The following BTN3A2 variants were observed in gnomAD, a reference collection of about 807,000 sequenced individuals.
BTN3A2 encodes butyrophilin protein.
BTN3A2 carries 25 observed loss-of-function variants against 37.6 expected under a neutral mutation model. The ratio of observed to expected loss-of-function variants is 0.66; its 90% CI spans 0.48 to 0.93. The LOEUF is 0.93. Ranked by LOEUF, BTN3A2 falls within the 40% of genes least tolerant of loss-of-function variation. BTN3A2 has a pLI of 0.00. For missense variants in BTN3A2, 266 were observed against 410.9 expected (o/e 0.65, Z 3.05); for synonymous variants, 122 against 159.4 (o/e 0.77, Z 1.77).
chr6:26,375,533 C>T, intron 10 of BTN3A2: 1 of 1,159,332 alleles, frequency 8.6e-7, no homozygotes, highest in Non-Finnish European at 1.2e-6. Context: ...ATTGGCCAAA[C>T]ACAGCAGCAA....
In BTN3A2 at chr6:26,365,338, T is replaced by A; in HGVS notation, c.-81T>A. The A allele has an allele frequency of 6.5e-7, 1 of 1,536,002 alleles. No individual in the cohort carries two copies. The highest frequency in any genetic ancestry group is 1.2e-5 in the South Asian group (1 of 84,060). ...TATTCTGTGGGCTCTGATTCTCCAA[T>A]GGGAATACCAAGGGGTAAGTGCAGG... On this transcript the variant is annotated 5_prime_UTR_variant, in exon 1 of 11. An upstream start codon of the reference 5' UTR is lost. Coordinates refer to ENST00000377708, the MANE Select transcript of BTN3A2 (RefSeq NM_007047.5).
chr6:26,374,421 C>G, intron 9 of BTN3A2, 48 bp downstream of exon 9: 1 of 1,550,584 alleles, frequency 6.4e-7, no homozygotes, highest in Non-Finnish European at 8.9e-7. Context: ...TTTTTCTCCA[C>G]TGTGACCCGT....
chr6:26,376,668 C>A lies in BTN3A2; in HGVS notation c.*906C>A. On this transcript the variant is annotated 3_prime_UTR_variant, in exon 11 of 11. Coordinates refer to ENST00000377708, the MANE Select transcript of BTN3A2 (RefSeq NM_007047.5). ...GCGTGCTGAGGAGCCCCATGACCTA[C>A]CAGACAACCCTGAGAGATTTGAATG... 2 of 1,519,078 alleles carry A rather than the reference C, an allele frequency of 1.3e-6. No individual in the cohort carries two copies. The highest frequency in any genetic ancestry group is 1.8e-6 in the Non-Finnish European group (2 of 1,095,134). 94.1% of individuals were successfully genotyped at this position (1,519,078 alleles called of 1,614,324 possible).
At chr6:26,373,237 CTTTTTTTTTT>C (rs750198408) in intron 6 of BTN3A2, 29 bp from the exon 7 acceptor site, 16 of 1,352,830 alleles carry the variant, frequency 1.2e-5, no homozygotes, top group Non-Finnish European at 1.6e-5. Flanking sequence ...AACAGTTCAT[CTTTTTTTTTT>C]TTTTTTTTTT....
chr6:26,368,586 C>T lies in BTN3A2; in HGVS notation c.107C>T (p.Pro36Leu). 6.2e-7 allele frequency: 1 copy of T among 1,613,922 alleles called. No homozygotes were observed. Among genetic ancestry groups the T allele is most frequent in the Non-Finnish European group, 8.5e-7 (1 of 1,179,836 alleles). The change falls in exon 4 of 11, where the codon CCC (proline) becomes CTC (leucine). Residue 36 changes from proline (P) to leucine (L), a missense_variant. Coordinates refer to ENST00000377708, the MANE Select transcript of BTN3A2 (RefSeq NM_007047.5). ...PCSAQFSVLG[P>L]SGPILAMVGE... ...ACAGCTCAGTTTTCTGTGCTTGGAC[C>T]CTCTGGGCCCATCCTGGCCATGGTG... is the stretch of plus-strand genomic sequence containing the variant.
At chr6:26,370,182 C>A in intron 4 of BTN3A2, 140 bp from the exon 5 acceptor site, 2 of 1,179,160 alleles carry the variant, frequency 1.7e-6, no homozygotes, top group Non-Finnish European at 2.4e-6. Flanking sequence ...GTTTTCCCCT[C>A]ATCATGACCA....
intron 8 of BTN3A2, 175 bp downstream of exon 8, chr6:26,373,588 G>GAAAA (rs539931551): frequency 7.8e-5 from 11 of 140,996 alleles, no homozygotes; most frequent in South Asian, 2.2e-4. Flanking sequence ...TTTCTCTCTA[G>GAAAA]AAAAAAAAAA....
At chr6:26,369,213 CA>C (rs2113684136) in intron 4 of BTN3A2, among the ~76,000 whole-genome samples, 1 of 152,338 alleles carries the variant, frequency 6.6e-6, no homozygotes, top group East Asian at 1.9e-4. Flanking sequence ...GACTGGTACA[CA>C]GTCATTTTGG....
Position 26,376,389 on chromosome 6 carries a change from C to G in BTN3A2, c.*627C>G. The G allele has an allele frequency of 2.5e-6, 1 of 399,902 alleles. No individual in the cohort carries two copies. The highest frequency in any genetic ancestry group is 4.2e-6 in the Non-Finnish European group (1 of 235,724). The allele number at this position is 399,902 out of a possible 1,614,324, so 24.8% of individuals were successfully genotyped here. On this transcript the variant is annotated 3_prime_UTR_variant, in exon 11 of 11. Coordinates refer to ENST00000377708, the MANE Select transcript of BTN3A2 (RefSeq NM_007047.5). ...AGATACTGACCTTACTTTCATTTCC[C>G]CTCTGGTCACTAGACCCCTGGGGCT...
At position 26,373,409 on chromosome 6, in the gene BTN3A2, G is replaced by A. The variant is rs1302269361; in HGVS notation, c.960G>A (p.Leu320=). Residue 320 remains leucine, a synonymous_variant, in exon 8 of 11, where the codon TTG becomes TTA. Coordinates refer to ENST00000377708, the MANE Select transcript of BTN3A2 (RefSeq NM_007047.5). The part of the protein sequence containing the change: ...EELKRKKIQY[L]TRGEESSSDT... The stretch of plus-strand genomic sequence containing the variant: ...CAGAGAGGAAAAAAATCCAGTACTT[G>A]ACTCGTGAGTGGCTTTGACATTTTC... 1 of 1,599,408 alleles carries A rather than the reference G, an allele frequency of 6.3e-7. No individual in the cohort carries two copies. The highest frequency in any genetic ancestry group is 8.5e-7 in the Non-Finnish European group (1 of 1,176,086).
rs1554126684 is a variant in BTN3A2 at position 26,376,232 on chromosome 6, A to AAAAAAAAAAAAAAAAAAAAAAG, written c.*474_*475insAAAAAAAAAAAAAAAAAGAAAA. The AAAAAAAAAAAAAAAAAAAAAAG allele has an allele frequency of 7.3e-6, 1 of 136,066 alleles. No homozygotes were observed. Among genetic ancestry groups the AAAAAAAAAAAAAAAAAAAAAAG allele is most frequent in the African/African-American group, 3.1e-5 (1 of 32,132 alleles). The allele number at this position is 136,066 out of a possible 1,614,324, so 8.4% of individuals were successfully genotyped here. On this transcript the variant is annotated 3_prime_UTR_variant, in exon 11 of 11. Transcript: ENST00000377708. ...TGTCTCAAGAAAAAAAAAAAAAAAAAAAAAGAAAAGAAAATTAACCTCTGA... is the reference window on the plus strand; with the variant it reads ...TGTCTCAAGAAAAAAAAAAAAAAAAAAAAAAAAAAAAAAAAAAAAAAGAAAAGAAAAGAAAATTAACCTCTGA...
chr6:26,377,938 A>C lies in BTN3A2; in HGVS notation c.*2176A>C, dbSNP rs1340799447. The C allele has an allele frequency of 6.6e-6, 1 of 152,384 alleles. No homozygotes were observed. The highest frequency in any genetic ancestry group is 2.4e-5 in the African/African-American group (1 of 41,430). The allele number at this position is 152,384 out of a possible 1,614,324, so 9.4% of individuals were successfully genotyped here. On this transcript the variant is annotated 3_prime_UTR_variant, in exon 11 of 11. Transcript: ENST00000377708. Reference sequence around the variant, plus strand: ...AGAGACTAGAGGCCACACTCAGTTAATAATGGGGCACAGATGTGTTCCCAC... The same window carrying C: ...AGAGACTAGAGGCCACACTCAGTTACTAATGGGGCACAGATGTGTTCCCAC...
intron 1 of BTN3A2, 121 bp downstream of exon 1, chr6:26,365,473 C>CGTGT (rs1561794963): frequency 1.8e-5 from 13 of 729,312 alleles, no homozygotes; most frequent in Non-Finnish European, 2.0e-5. Flanking sequence ...GGGTGCAGTG[C>CGTGT]CTGTGTGTGT....
rs1454541581 is a variant in BTN3A2, at chr6:26,376,777, ATATTGGGG to A, written c.*1019_*1026del. 1 of 1,611,126 alleles carries A rather than the reference ATATTGGGG, an allele frequency of 6.2e-7. No homozygotes were observed. The highest frequency in any genetic ancestry group is 8.5e-7 in the Non-Finnish European group (1 of 1,177,480). The stretch of plus-strand genomic sequence containing the variant: ...GAAGTGGGGGACAGAAAAGAGTGGC[ATATTGGGG>A]TATGTAGTAAGAACGTGGAGAGGAA... On this transcript the variant is annotated 3_prime_UTR_variant, in exon 11 of 11. Transcript: ENST00000377708.
chr6:26,370,915 C>G (rs1760046783), intron 5 of BTN3A2, among the ~76,000 whole-genome samples: 1 of 152,074 alleles, frequency 6.6e-6, no homozygotes, highest in Non-Finnish European at 1.5e-5. Flanking sequence ...TTTACAAACT[C>G]ATATCATAGA....
intron 3 of BTN3A2, 144 bp downstream of exon 3, chr6:26,368,411 G>C: frequency 6.5e-7 from 1 of 1,549,876 alleles, no homozygotes. Flanking sequence ...CAACCTGAAG[G>C]ATCACCTGTC....
chr6:26,374,488 G>C, intron 9 of BTN3A2, 115 bp downstream of exon 9: 3 of 1,198,188 alleles, frequency 2.5e-6, no homozygotes, highest in Non-Finnish European at 2.4e-6. Context: ...TCTGTGTGGT[G>C]GGGGTTCACC....
At position 26,375,943 on chromosome 6, in the gene BTN3A2, A is replaced by C; in HGVS notation, c.*181A>C. On this transcript the variant is annotated 3_prime_UTR_variant, in exon 11 of 11. Coordinates refer to ENST00000377708, the MANE Select transcript of BTN3A2 (RefSeq NM_007047.5). ...CCTCTGAGGGCCAGCACAGCAGCTC[A>C]TGCCTGTAATCCTAGCACTTTGGAA... The C allele has an allele frequency of 7.6e-7, 1 of 1,320,744 alleles. No individual in the cohort carries two copies. Among genetic ancestry groups the C allele is most frequent in the Non-Finnish European group, 1.1e-6 (1 of 951,374 alleles). The allele number at this position is 1,320,744 out of a possible 1,614,324, so 81.8% of individuals were successfully genotyped here. A position where few individuals can be genotyped will look rare whatever the true frequency, so the allele number is the denominator to read the frequency against.
rs750902615 is a variant in BTN3A2 at position 26,376,802 on chromosome 6, G to A, written c.*1040G>A. On this transcript the variant is annotated 3_prime_UTR_variant, in exon 11 of 11. Coordinates refer to ENST00000377708, the MANE Select transcript of BTN3A2 (RefSeq NM_007047.5). ...ATATTGGGGTATGTAGTAAGAACGT[G>A]GAGAGGAAAAAAGTTTGGGTCAAAA... is the stretch of plus-strand genomic sequence containing the variant. 145 of 1,613,518 alleles carry A rather than the reference G, an allele frequency of 9.0e-5. 1 individual carries two copies. The highest frequency in any genetic ancestry group is 3.0e-4 in the South Asian group (27 of 91,060).
Sources: allele counts gnomAD v4.1 joint callset (sites outside exome capture counted in the v4.1 genomes callset), GRCh38; gene constraint gnomAD v4.1.1; transcripts MANE v1.5; gene names NCBI Gene and HGNC (gene_info 2026-07-23, HGNC 2026-07-21).